BMERB1: variants seen among roughly 807,000 people sequenced by gnomAD.
BMERB1 encodes the protein bMERB domain-containing protein 1.
In BMERB1, 12 loss-of-function variants were observed where a neutral mutation model predicts 23.6. The observed-to-expected ratio is 0.51, with a 90% CI of 0.33 to 0.82. The LOEUF (loss-of-function observed/expected upper bound fraction) is 0.82. BMERB1 is among the 40% of genes least tolerant of loss of function. The probability of loss-of-function intolerance (pLI) is 0.03; values close to 1 mark genes in which losing one functional copy is unlikely to be tolerated. For missense variants in BMERB1, 247 were observed against 255.4 expected (o/e 0.97, Z 0.22); for synonymous variants, 122 against 96.6 (o/e 1.26, Z -1.54).
chr16:15,540,897 C>T (rs2052071734), intron 2 of BMERB1, among the ~76,000 whole-genome samples: 2 of 152,186 alleles, frequency 1.3e-5, no homozygotes, highest in South Asian at 2.1e-4. Context: ...CATTTTTCTA[C>T]ACTAAGTCTC....
chr16:15,436,289 G>A (rs542340822), intron 1 of BMERB1, among the ~76,000 whole-genome samples: 6 of 124,672 alleles, frequency 4.8e-5, no homozygotes, highest in Non-Finnish European at 8.0e-5. Context: ...ACGGAGTTTC[G>A]CTCTTGTTGC....
intron 1 of BMERB1, among the ~76,000 whole-genome samples, chr16:15,492,196 G>T (rs1478706449): frequency 6.6e-6 from 1 of 152,200 alleles, no homozygotes; most frequent in Non-Finnish European, 1.5e-5. Flanking sequence ...TTTGTGCTCA[G>T]TGTTTTTGGT....
intron 1 of BMERB1, among the ~76,000 whole-genome samples, chr16:15,453,487 C>T (rs1425733679): frequency 6.6e-6 from 1 of 152,128 alleles, no homozygotes; most frequent in African/African-American, 2.4e-5. Flanking sequence ...GAGGCCAAGG[C>T]AGGAGGATCA....
chr16:15,577,654 T>G, intron 3 of BMERB1, among the ~76,000 whole-genome samples: 1 of 132,476 alleles, frequency 7.5e-6, no homozygotes, highest in South Asian at 2.2e-4. Context: ...TTCCGGGGTT[T>G]TATATGTTGG....
chr16:15,582,598 A>G (rs1321233694), intron 4 of BMERB1, among the ~76,000 whole-genome samples: 1 of 151,852 alleles, frequency 6.6e-6, no homozygotes, highest in East Asian at 1.9e-4. Flanking sequence ...GTGCTCCTGT[A>G]GTCTCAGCTA....
intron 2 of BMERB1, among the ~76,000 whole-genome samples, chr16:15,559,116 CAT>C (rs2030348992): frequency 6.6e-6 from 1 of 152,122 alleles, no homozygotes; most frequent in Admixed American, 6.5e-5. Flanking sequence ...CATTATGTTA[CAT>C]ATATGTCATA....
At chr16:15,577,624 G>C (rs1253129312) in intron 3 of BMERB1, among the ~76,000 whole-genome samples, 4 of 152,008 alleles carry the variant, frequency 2.6e-5, no homozygotes, top group Non-Finnish European at 5.9e-5. Flanking sequence ...CTTTGATTTG[G>C]GGTTTTATAT....
intron 2 of BMERB1, among the ~76,000 whole-genome samples, chr16:15,537,664 T>C (rs116546420): frequency 0.014 from 2,157 of 149,150 alleles, 59 homozygotes; most frequent in African/African-American, 0.052. Flanking sequence ...GAGAAATATA[T>C]ATGTATTTTT....
At chr16:15,466,568 G>C (rs1684546) in intron 1 of BMERB1, among the ~76,000 whole-genome samples, 77,779 of 151,906 alleles carry the variant, frequency 0.51, 20,981 homozygotes, top group Middle Eastern at 0.66. Flanking sequence ...GCGTGCAGTT[G>C]TAAGAAATAA....
At chr16:15,534,979 C>T (rs2150960842) in intron 2 of BMERB1, among the ~76,000 whole-genome samples, 1 of 152,298 alleles carries the variant, frequency 6.6e-6, no homozygotes, top group Non-Finnish European at 1.5e-5. Context: ...CATTTTCTTA[C>T]ACCTTTACTA....
At chr16:15,546,225 C>A (rs1442655879) in intron 2 of BMERB1, among the ~76,000 whole-genome samples, 2 of 152,130 alleles carry the variant, frequency 1.3e-5, no homozygotes. Context: ...GAGATTGAGG[C>A]TGTGGTGAGC....
At position 15,544,809 on chromosome 16, in the gene BMERB1, G is replaced by A. The variant is rs572860856; in HGVS notation, c.231-23174G>A. On this transcript the variant is annotated intron_variant, in intron 2 of 5. Transcript: ENST00000300006. Reference sequence around the variant, plus strand: ...GACTGCTAGTTCTCCATCAATCACAGTTTCAGTCTTACTCTGTTCTTCTCC... The same window carrying A: ...GACTGCTAGTTCTCCATCAATCACAATTTCAGTCTTACTCTGTTCTTCTCC... 1.3e-4 allele frequency among the ~76,000 whole-genome samples: 20 copies of A among 152,218 alleles called. No homozygotes were observed. In the South Asian group the frequency reaches 4.1e-3, roughly 32 times the overall value.
At chr16:15,488,461 C>T (rs1351560567) in intron 1 of BMERB1, among the ~76,000 whole-genome samples, 5 of 152,114 alleles carry the variant, frequency 3.3e-5, no homozygotes, top group Non-Finnish European at 7.4e-5. Flanking sequence ...TGACTGTCTA[C>T]TGCCTCTTGG....
intron 2 of BMERB1, among the ~76,000 whole-genome samples, chr16:15,518,857 G>A (rs1325604355): frequency 1.3e-5 from 2 of 151,344 alleles, no homozygotes; most frequent in East Asian, 3.9e-4. Flanking sequence ...GGGAGGGAAG[G>A]GAGGAAAGAA....
intron 1 of BMERB1, among the ~76,000 whole-genome samples, chr16:15,505,970 T>A (rs1347005947): frequency 6.6e-6 from 1 of 151,944 alleles, no homozygotes; most frequent in Non-Finnish European, 1.5e-5. Flanking sequence ...GGGTAAATTC[T>A]ATGCAGTGTT....
chr16:15,465,507 C>G (rs1212698150), intron 1 of BMERB1, among the ~76,000 whole-genome samples: 1 of 151,952 alleles, frequency 6.6e-6, no homozygotes, highest in South Asian at 2.1e-4. Context: ...CACCCACCAC[C>G]ATTCCAGGCC....
intron 2 of BMERB1, among the ~76,000 whole-genome samples, chr16:15,532,664 G>C (rs979347033): frequency 6.7e-6 from 1 of 148,812 alleles, no homozygotes; most frequent in African/African-American, 2.5e-5. Flanking sequence ...GCCTGCCTCA[G>C]CCTCCCAAGT....
chr16:15,462,287 G>T (rs1362494431), intron 1 of BMERB1, among the ~76,000 whole-genome samples: 1 of 151,526 alleles, frequency 6.6e-6, no homozygotes, highest in Non-Finnish European at 1.5e-5. Context: ...GAGAAGCTGG[G>T]ATTACAGGTG....
intron 1 of BMERB1, among the ~76,000 whole-genome samples, chr16:15,448,432 T>C (rs1195439946): frequency 6.6e-6 from 1 of 152,026 alleles, no homozygotes; most frequent in Non-Finnish European, 1.5e-5. Flanking sequence ...GGAAAGAAGG[T>C]CTTCTAAGTG....
Sources: allele counts gnomAD v4.1 joint callset (sites outside exome capture counted in the v4.1 genomes callset), GRCh38; gene constraint gnomAD v4.1.1; transcripts MANE v1.5; gene names NCBI Gene and HGNC (gene_info 2026-07-23, HGNC 2026-07-21).